Variants in DYNC2LI1 observed in about 807,000 individuals in gnomAD.
The protein encoded by DYNC2LI1 is cytoplasmic dynein 2 light intermediate chain 1.
A neutral mutation model predicts 51.9 loss-of-function variants in DYNC2LI1; 45 were observed. The ratio of observed to expected loss-of-function variants is 0.87; its 90% CI spans 0.68 to 1.11. DYNC2LI1 has a LOEUF of 1.11. Among genes scored for constraint, DYNC2LI1 ranks in the 50% most tolerant of loss-of-function variants. The pLI, the probability that DYNC2LI1 is intolerant of heterozygous loss-of-function variation, is 0.00. For missense variants in DYNC2LI1, 490 were observed against 417.4 expected (o/e 1.17, Z -1.51); for synonymous variants, 130 against 137.8 (o/e 0.94, Z 0.40).
At chr2:43,778,135 C>A (rs930563073) in intron 2 of DYNC2LI1, among the ~76,000 whole-genome samples, 1 of 151,824 alleles carries the variant, frequency 6.6e-6, no homozygotes. Context: ...AAATTTTAAC[C>A]CAACTATATA....
intron 11 of DYNC2LI1, 34 bp from the exon 12 acceptor site, chr2:43,805,119 TG>T: frequency 6.9e-7 from 1 of 1,455,296 alleles, no homozygotes; most frequent in Non-Finnish European, 9.6e-7. Flanking sequence ...TTTTGGTTTA[TG>T]GGCGTGAAGT....
Position 43,804,665 on chromosome 2 carries a change from G to A in DYNC2LI1, c.826G>A (p.Asp276Asn), listed in dbSNP as rs1429883105. Residue 276 changes from aspartate (D) to asparagine (N), a missense_variant, in exon 11 of 13, where the codon GAC becomes AAC. Transcript: ENST00000260605. ...AGGATCTCCTCCTGTTCCTGAAAAT[G>A]ACATTGGAAAGCTTCATGCCCACTC... is the stretch of plus-strand genomic sequence containing the variant. ...QIGSPPVPENDIGKLHAHSPM... is the reference protein window; with the variant it reads ...QIGSPPVPENNIGKLHAHSPM... 7.5e-6 allele frequency: 12 copies of A among 1,605,868 alleles called. No individual in the cohort carries two copies. The Admixed American group carries it at 1.5e-4, about 21-fold the overall frequency.
At chr2:43,783,185 G>T (rs1673374047) in intron 2 of DYNC2LI1, among the ~76,000 whole-genome samples, 1 of 152,032 alleles carries the variant, frequency 6.6e-6, no homozygotes, top group Admixed American at 6.6e-5. Context: ...CTAAGCATCG[G>T]CTTAACCAGT....
chr2:43,789,993 A>G (rs1488846182), intron 5 of DYNC2LI1, among the ~76,000 whole-genome samples: 1 of 152,234 alleles, frequency 6.6e-6, no homozygotes, highest in Non-Finnish European at 1.5e-5. Flanking sequence ...ACATCAAATT[A>G]CACTTGGGCA....
At chr2:43,816,461 C>T in the DYNC2LI1 span, among the ~76,000 whole-genome samples, 11 of 152,178 alleles carry the variant, frequency 7.2e-5, no homozygotes, top group Admixed American at 7.2e-4. Context: ...CAGTGAAAGG[C>T]ACAGACAGAA....
chr2:43,796,157 G>C (rs1017843248), intron 7 of DYNC2LI1, among the ~76,000 whole-genome samples, 199 bp downstream of exon 7: 1 of 152,016 alleles, frequency 6.6e-6, no homozygotes, highest in Admixed American at 6.6e-5. Flanking sequence ...GATTAGAATG[G>C]GGATAAGGCA....
downstream of DYNC2LI1, among the ~76,000 whole-genome samples, chr2:43,811,307 A>C (rs1424665764): frequency 6.6e-6 from 1 of 152,248 alleles, no homozygotes; most frequent in Non-Finnish European, 1.5e-5. Context: ...TGACAATACT[A>C]GTCTGATAAT....
chr2:43,817,571 T>C, the DYNC2LI1 span, among the ~76,000 whole-genome samples: 1 of 152,064 alleles, frequency 6.6e-6, no homozygotes, highest in Non-Finnish European at 1.5e-5. Context: ...ATGATGGGGT[T>C]ACTTCCAGAT....
At chr2:43,784,257 A>G (rs1476581305) in intron 3 of DYNC2LI1, among the ~76,000 whole-genome samples, 1 of 152,212 alleles carries the variant, frequency 6.6e-6, no homozygotes, top group Non-Finnish European at 1.5e-5. Flanking sequence ...TTCACCAACA[A>G]TATTGTTTCT....
chr2:43,822,379 T>C, the DYNC2LI1 span: 12 of 287,244 alleles, frequency 4.2e-5, no homozygotes, highest in Non-Finnish European at 5.7e-5. Flanking sequence ...ACCTCCCTGA[T>C]CACCCTCTGC....
chr2:43,791,830 C>T (rs1484788896), intron 5 of DYNC2LI1, among the ~76,000 whole-genome samples: 1 of 152,084 alleles, frequency 6.6e-6, no homozygotes, highest in Non-Finnish European at 1.5e-5. Context: ...TGTAATAGAA[C>T]ATTTCCTGTA....
chr2:43,822,504 G>C, the DYNC2LI1 span: 1 of 940,698 alleles, frequency 1.1e-6, no homozygotes, highest in Non-Finnish European at 1.3e-6. Flanking sequence ...CTGGGTCCTA[G>C]CTACTTCAGA....
At chr2:43,819,528 A>T in the DYNC2LI1 span, among the ~76,000 whole-genome samples, 2 of 151,120 alleles carry the variant, frequency 1.3e-5, no homozygotes, top group East Asian at 3.9e-4. Flanking sequence ...AATAACTGGG[A>T]ATTGAGAACT....
At chr2:43,785,051 A>G (rs1673463001) in intron 3 of DYNC2LI1, among the ~76,000 whole-genome samples, 1 of 152,066 alleles carries the variant, frequency 6.6e-6, no homozygotes, top group South Asian at 2.1e-4. Flanking sequence ...TAATCCTAGC[A>G]CTTTGGGAGG....
chr2:43,802,963 A>G (rs571768008), intron 10 of DYNC2LI1, among the ~76,000 whole-genome samples: 1 of 152,192 alleles, frequency 6.6e-6, no homozygotes, highest in Non-Finnish European at 1.5e-5. Context: ...TGAAACCACA[A>G]TGAAATATCA....
At chr2:43,801,565 G>T in intron 9 of DYNC2LI1, 74 bp from the exon 10 acceptor site, 1 of 1,084,666 alleles carries the variant, frequency 9.2e-7, no homozygotes, top group Non-Finnish European at 1.4e-6. Flanking sequence ...TAATATTGCT[G>T]TCATATTTAC....
At chr2:43,797,563 A>G (rs1165176932) in intron 8 of DYNC2LI1, among the ~76,000 whole-genome samples, 2 of 124,994 alleles carry the variant, frequency 1.6e-5, no homozygotes, top group African/African-American at 6.3e-5. Context: ...TCCGTCACCC[A>G]GGCTGGAGTA....
At chr2:43,820,209 T>G in the DYNC2LI1 span, 4 of 1,335,452 alleles carry the variant, frequency 3.0e-6, no homozygotes, top group East Asian at 2.5e-5. Context: ...TGGGAGAAGT[T>G]TGCAGGGCAA....
intron 10 of DYNC2LI1, among the ~76,000 whole-genome samples, chr2:43,803,436 G>A (rs1209734786): frequency 2.0e-5 from 3 of 152,190 alleles, no homozygotes; most frequent in Admixed American, 2.0e-4. Flanking sequence ...TACATACAGT[G>A]TGATTCTATT....
Sources: gnomAD v4.1 joint callset for allele counts (sites outside exome capture counted in the v4.1 genomes callset) on GRCh38, gnomAD v4.1.1 for gene constraint, MANE v1.5 for transcripts, NCBI Gene and HGNC (gene_info 2026-07-23, HGNC 2026-07-21) for gene names.